The following ZBTB46 variants were observed in gnomAD, a reference collection of about 807,000 sequenced individuals.
ZBTB46 encodes zinc finger and BTB domain-containing protein 46.
Under a neutral mutation model 44.1 loss-of-function variants are expected in ZBTB46, and 8 were observed. The observed-to-expected ratio is 0.18, with a 90% CI of 0.11 to 0.33. ZBTB46 has a LOEUF of 0.33. Ranked by LOEUF, ZBTB46 falls within the 10% of genes least tolerant of loss-of-function variation. The pLI is 1.00. For missense variants in ZBTB46, 651 were observed against 847.7 expected (o/e 0.77, Z 2.88); for synonymous variants, 409 against 382.3 (o/e 1.07, Z -0.81).
chr20:63,772,317 G>C (rs926137924), intron 3 of ZBTB46, among the ~76,000 whole-genome samples: 3 of 152,110 alleles, frequency 2.0e-5, no homozygotes, highest in African/African-American at 7.2e-5. Flanking sequence ...ATTCTTACAA[G>C]AGAAATAGAA....
At chr20:63,789,416 C>T (rs2092541403) in intron 2 of ZBTB46, among the ~76,000 whole-genome samples, 1 of 152,204 alleles carries the variant, frequency 6.6e-6, no homozygotes, top group South Asian at 2.1e-4. Context: ...GTCGAGTTAC[C>T]CCAGTCAGGG....
At chr20:63,784,234 G>C (rs1015818467) in intron 2 of ZBTB46, among the ~76,000 whole-genome samples, 3 of 152,150 alleles carry the variant, frequency 2.0e-5, no homozygotes, top group Non-Finnish European at 4.4e-5. Context: ...CCTGAGACCC[G>C]CCGGAGGCAG....
At position 63,790,078 on chromosome 20, in the gene ZBTB46, C is replaced by T. The variant is rs780050104; in HGVS notation, c.680G>A (p.Arg227His). The change falls in exon 2 of 5, where the codon CGC becomes CAC. Residue 227 changes from arginine (R) to histidine (H), a missense_variant. By Grantham distance (29) the Arg-to-His change is conservative. This residue lies in a region of ZBTB46 where 385 missense variants were observed against 423.3 expected (regional missense o/e 0.91). Transcript: ENST00000245663. ...CGGTGAAACCTGCTCTTCCTTGATG[C>T]GCAGAGGCCCGTAGCCCACGTCTCC... ...WPGDVGYGPL[R>H]IKEEQVSPSQ... is the part of the protein sequence containing the mutation. 7 of 1,613,922 alleles carry T rather than the reference C, an allele frequency of 4.3e-6. No individual in the cohort carries two copies. The highest frequency in any genetic ancestry group is 2.2e-5 in the East Asian group (1 of 44,896).
intron 1 of ZBTB46, among the ~76,000 whole-genome samples, chr20:63,792,112 GC>G (rs1007205495): frequency 8.5e-5 from 13 of 152,262 alleles, no homozygotes; most frequent in African/African-American, 3.1e-4. Flanking sequence ...GGGAGTAGGG[GC>G]CCACCCCCAC....
upstream of ZBTB46, among the ~76,000 whole-genome samples, chr20:63,833,724 C>T (rs1343969760): frequency 6.6e-6 from 1 of 152,208 alleles, no homozygotes; most frequent in Non-Finnish European, 1.5e-5. Flanking sequence ...GGGACAGAGA[C>T]TCCTGACTTT....
upstream of ZBTB46, among the ~76,000 whole-genome samples, chr20:63,833,603 AAAAG>A (rs955374489): frequency 1.3e-5 from 2 of 152,140 alleles, no homozygotes; most frequent in African/African-American, 4.8e-5. Context: ...AAAAGAAAAA[AAAAG>A]AAACGTGCTG....
At chr20:63,819,605 A>G (rs1443852541) in intron 1 of ZBTB46, among the ~76,000 whole-genome samples, 1 of 152,170 alleles carries the variant, frequency 6.6e-6, no homozygotes, top group Non-Finnish European at 1.5e-5. Context: ...AAACAGCAAC[A>G]GTGTCCCAGG....
intron 1 of ZBTB46, among the ~76,000 whole-genome samples, chr20:63,801,607 T>G (rs1392464811): frequency 6.6e-6 from 1 of 152,180 alleles, no homozygotes; most frequent in Admixed American, 6.5e-5. Context: ...CACACTGTCT[T>G]TATGAGCTGT....
At chr20:63,791,051 C>T (rs1485389761) in intron 1 of ZBTB46, 1 of 382,342 alleles carries the variant, frequency 2.6e-6, no homozygotes. Flanking sequence ...GGGTTCTGAA[C>T]AGAATCCCAC....
chr20:63,800,292 G>A (rs1012372753), intron 1 of ZBTB46, among the ~76,000 whole-genome samples: 1 of 152,222 alleles, frequency 6.6e-6, no homozygotes, highest in Non-Finnish European at 1.5e-5. Flanking sequence ...CTAGACAACA[G>A]AAGTGAGTCC....
chr20:63,751,688 G>A (rs541259279), intron 4 of ZBTB46, among the ~76,000 whole-genome samples: 95 of 117,514 alleles, frequency 8.1e-4, no homozygotes, highest in African/African-American at 2.8e-3. Flanking sequence ...CCCCCGGTGG[G>A]TCTCCCCATA....
intron 1 of ZBTB46, among the ~76,000 whole-genome samples, chr20:63,800,449 G>A (rs373180663): frequency 1.1e-3 from 175 of 152,332 alleles, no homozygotes; most frequent in African/African-American, 4.0e-3. Context: ...CGACCTCAGC[G>A]CCCACTCTGG....
chr20:63,804,824 G>A (rs780148735), intron 1 of ZBTB46, among the ~76,000 whole-genome samples: 25 of 151,660 alleles, frequency 1.6e-4, no homozygotes, highest in South Asian at 4.2e-4. Context: ...CCTGGGAGGC[G>A]GAGGTTGCAG....
rs368386033 is a variant in ZBTB46, at chr20:63,774,114, A to G, written c.1222+1564T>C. Among the ~76,000 whole-genome samples, 51 of 115,044 alleles carry G rather than the reference A, an allele frequency of 4.4e-4. 1 individual carries two copies. In the East Asian group the frequency reaches 4.5e-3, roughly 10 times the overall value. The allele number at this position is 115,044 out of a possible 152,430, so 75.5% of individuals were successfully genotyped here. ...GAAGTGAGGCCTCAGGATGTCTGTG[A>G]CAGCCCAGCACCCACAGCTTGTCCC... On this transcript the variant is annotated intron_variant, in intron 3 of 4. Coordinates refer to ENST00000245663, the MANE Select transcript of ZBTB46 (RefSeq NM_001369741.1).
At chr20:63,771,687 C>T (rs914223945) in intron 3 of ZBTB46, among the ~76,000 whole-genome samples, 2 of 152,196 alleles carry the variant, frequency 1.3e-5, no homozygotes, top group African/African-American at 4.8e-5. Context: ...CGCTGGTGTC[C>T]ACGGTTTACT....
intron 2 of ZBTB46, among the ~76,000 whole-genome samples, chr20:63,776,821 G>A (rs1191246785): frequency 6.8e-6 from 1 of 147,786 alleles, no homozygotes; most frequent in Admixed American, 6.8e-5. Context: ...AAAAAAAATT[G>A]CAACCTATAT....
chr20:63,812,889 A>T (rs1601525816), intron 1 of ZBTB46, among the ~76,000 whole-genome samples: 1 of 152,114 alleles, frequency 6.6e-6, no homozygotes, highest in Non-Finnish European at 1.5e-5. Context: ...AGGTCAAGAC[A>T]TTGACAGCAT....
rs528942759 is a variant in ZBTB46, at chr20:63,789,581, C to T, written c.937+240G>A. ...CCAGGCAGCCCCCGTGTGTGGGTGA[C>T]ACCAGTGCCGTGCTGATGGGGACAG... is the stretch of plus-strand genomic sequence containing the variant. On this transcript the variant is annotated intron_variant, in intron 2 of 4. Transcript: ENST00000245663. 6.7e-4 allele frequency among the ~76,000 whole-genome samples: 102 copies of T among 152,360 alleles called. 1 individual carries two copies. The South Asian group carries it at 0.011, about 16-fold the overall frequency.
chr20:63,763,314 C>T (rs892667774), intron 3 of ZBTB46, among the ~76,000 whole-genome samples: 4 of 152,030 alleles, frequency 2.6e-5, no homozygotes, highest in South Asian at 2.1e-4. Flanking sequence ...AAATTAATCA[C>T]GTATTGTATC....
Sources: allele counts gnomAD v4.1 joint callset (sites outside exome capture counted in the v4.1 genomes callset), GRCh38; gene constraint gnomAD v4.1.1; regional missense constraint gnomAD v4.1.1; transcripts MANE v1.5; gene names NCBI Gene and HGNC (gene_info 2026-07-23, HGNC 2026-07-21).